The following TMEM11 variants were observed in gnomAD, a reference collection of about 807,000 sequenced individuals.
TMEM11 encodes the protein transmembrane protein 11.
A neutral mutation model predicts 17.0 loss-of-function variants in TMEM11; 1 was observed. That is an observed-to-expected ratio of 0.06 (90% CI 0.02 to 0.28). TMEM11 has a LOEUF of 0.28. TMEM11 is among the 10% of genes least tolerant of loss of function. The pLI is 1.00. For missense variants in TMEM11, 172 were observed against 252.9 expected, an observed-to-expected ratio of 0.68 and a Z score of 2.17; for synonymous variants, 122 against 118.1, an observed-to-expected ratio of 1.03 and a Z score of -0.21.
Position 21,198,371 on chromosome 17 carries a change from C to A in TMEM11, c.532G>T (p.Ala178Ser). 1 of 1,614,200 alleles carries A rather than the reference C, an allele frequency of 6.2e-7. No individual in the cohort carries two copies. Among genetic ancestry groups the A allele is most frequent in the South Asian group, 1.1e-5 (1 of 91,084 alleles). Residue 178 changes from alanine (A) to serine (S), a missense_variant, in exon 2 of 2, where the codon GCC (alanine) becomes TCC (serine). Transcript: ENST00000317635. The surrounding 1 kb of genome is among the most constrained non-coding windows in gnomAD (Gnocchi z 6.5). ...ATCTTCTTTACACAGTACACCAGGG[C>A]GGCCAGTGCTATCGTGTTGTGCAGT... ...KRLHNTIALA[A>S]LVYCVKKIYE...
intron 1 of TMEM11, among the ~76,000 whole-genome samples, chr17:21,210,560 C>T (rs1335589182): frequency 6.6e-6 from 1 of 152,200 alleles, no homozygotes; most frequent in East Asian, 1.9e-4. Context: ...GCTGTCACCC[C>T]GGGACCATGA....
intron 1 of TMEM11, among the ~76,000 whole-genome samples, chr17:21,201,709 C>A (rs1017770383): frequency 6.6e-6 from 1 of 152,068 alleles, no homozygotes; most frequent in Non-Finnish European, 1.5e-5. Flanking sequence ...GCAGCCTCGA[C>A]CTCCCGGGTT....
At chr17:21,211,793 C>T (rs1400998431) in intron 1 of TMEM11, among the ~76,000 whole-genome samples, 1 of 152,192 alleles carries the variant, frequency 6.6e-6, no homozygotes, top group Non-Finnish European at 1.5e-5. Context: ...AGATGCTAAC[C>T]AGGTGTGAGC....
chr17:21,207,202 T>C (rs555439596), intron 1 of TMEM11, among the ~76,000 whole-genome samples: 1 of 152,342 alleles, frequency 6.6e-6, no homozygotes, highest in South Asian at 2.1e-4. Flanking sequence ...ATTGTAAACA[T>C]AACTTTTGAT....
chr17:21,202,491 T>C (rs540880131), intron 1 of TMEM11, among the ~76,000 whole-genome samples: 28 of 152,174 alleles, frequency 1.8e-4, no homozygotes, highest in Non-Finnish European at 3.7e-4. Flanking sequence ...CAGAGGAAAT[T>C]CCAGTGGAAA....
intron 1 of TMEM11, 83 bp downstream of exon 1, chr17:21,214,008 G>C (rs1459222987): frequency 3.0e-6 from 4 of 1,311,748 alleles, no homozygotes; most frequent in South Asian, 2.7e-5. Flanking sequence ...GGGAAGGAAG[G>C]CTGCTGCAGC....
chr17:21,204,122 T>TA (rs61174663), intron 1 of TMEM11, among the ~76,000 whole-genome samples: 81 of 138,198 alleles, frequency 5.9e-4, no homozygotes, highest in Middle Eastern at 7.4e-3. Context: ...AGTCTATGTT[T>TA]AAAAAAAAAA....
intron 1 of TMEM11, among the ~76,000 whole-genome samples, chr17:21,209,975 G>A (rs550936067): frequency 3.3e-5 from 5 of 152,262 alleles, no homozygotes; most frequent in Non-Finnish European, 5.9e-5. Flanking sequence ...GCACCAGGGC[G>A]GAACACCGTG....
intron 1 of TMEM11, chr17:21,213,828 G>A: frequency 2.0e-6 from 1 of 503,636 alleles, no homozygotes; most frequent in South Asian, 2.4e-5. Context: ...GCACGGCCCG[G>A]CCTCGGGCCC....
At chr17:21,213,126 T>G (rs554038390) in intron 1 of TMEM11, 33 of 152,328 alleles carry the variant, frequency 2.2e-4, no homozygotes, top group African/African-American at 7.7e-4. Context: ...GGAAGATAAC[T>G]TTTCTGTTAG....
At chr17:21,199,669 A>G (rs1426258554) in intron 1 of TMEM11, among the ~76,000 whole-genome samples, 8 of 152,154 alleles carry the variant, frequency 5.3e-5, no homozygotes, top group African/African-American at 1.9e-4. Flanking sequence ...AGAAAGGAAG[A>G]GCTTTGCCTT....
At chr17:21,213,367 T>G (rs1208192582) in intron 1 of TMEM11, 2 of 152,232 alleles carry the variant, frequency 1.3e-5, no homozygotes, top group African/African-American at 2.4e-5. Flanking sequence ...ACACGGAAAC[T>G]ACTCCAATCT....
Position 21,214,116 on chromosome 17 carries a change from T to C in TMEM11, c.37A>G (p.Ser13Gly), listed in dbSNP as rs750841623. 4.4e-5 allele frequency: 71 copies of C among 1,611,810 alleles called. No homozygotes were observed. Among genetic ancestry groups the C allele is most frequent in the Non-Finnish European group, 5.6e-5 (66 of 1,179,564 alleles). ...AWGRRRLGPG[S>G]SGGSARERVS... ...CTCTCTCGGGCGCTGCCGCCACTGC[T>C]GCCCGGGCCAAGACGCCTCCTTCCC... Residue 13 changes from serine to glycine, a missense_variant, in exon 1 of 2, where the codon AGC (serine) becomes GGC (glycine). Coordinates refer to ENST00000317635, the MANE Select transcript of TMEM11 (RefSeq NM_003876.3).
intron 1 of TMEM11, among the ~76,000 whole-genome samples, chr17:21,201,277 G>A (rs571503246): frequency 7.9e-5 from 12 of 152,348 alleles, no homozygotes; most frequent in African/African-American, 2.2e-4. Context: ...TGGGCAAACG[G>A]AACTCTTTAT....
At chr17:21,202,030 G>A (rs762882225) in intron 1 of TMEM11, among the ~76,000 whole-genome samples, 4 of 152,238 alleles carry the variant, frequency 2.6e-5, no homozygotes, top group Non-Finnish European at 4.4e-5. Flanking sequence ...GTGCCCCCAC[G>A]TGCTCAGATG....
intron 1 of TMEM11, among the ~76,000 whole-genome samples, chr17:21,212,066 C>A (rs1205315717): frequency 6.6e-6 from 1 of 152,134 alleles, no homozygotes; most frequent in African/African-American, 2.4e-5. Flanking sequence ...ATGTTTCCAT[C>A]CCCTGCTCAG....
At chr17:21,208,589 A>G (rs1974969870) in intron 1 of TMEM11, 1 of 152,358 alleles carries the variant, frequency 6.6e-6, no homozygotes, top group African/African-American at 2.4e-5. Context: ...TTGAGCAAAC[A>G]CTGGCTAAGC....
At chr17:21,210,608 C>G (rs568974434) in intron 1 of TMEM11, among the ~76,000 whole-genome samples, 1 of 152,336 alleles carries the variant, frequency 6.6e-6, no homozygotes, top group East Asian at 1.9e-4. Context: ...CATCTGCTCA[C>G]TGGATGAACG....
chr17:21,204,485 C>A (rs1031972847), intron 1 of TMEM11, among the ~76,000 whole-genome samples: 20 of 145,786 alleles, frequency 1.4e-4, no homozygotes, highest in Non-Finnish European at 2.6e-4. Flanking sequence ...GCAGTAACAG[C>A]AAAGTCTCCA....
Sources: gnomAD v4.1 joint callset for allele counts (sites outside exome capture counted in the v4.1 genomes callset) on GRCh38, gnomAD v4.1.1 for gene constraint, Gnocchi (gnomAD v3.1) non-coding constraint, MANE v1.5 for transcripts, NCBI Gene and HGNC (gene_info 2026-07-23, HGNC 2026-07-21) for gene names.